Variants in ZNF782 observed in about 807,000 individuals in gnomAD.
The protein encoded by ZNF782 is zinc finger protein 782.
Under a neutral mutation model 13.0 loss-of-function variants are expected in ZNF782, and 12 were observed. The ratio of observed to expected loss-of-function variants is 0.92; its 90% CI spans 0.59 to 1.50. The LOEUF (loss-of-function observed/expected upper bound fraction) is 1.50, where lower values mean the gene tolerates loss of function less well. ZNF782 is among the 40% of genes most tolerant of loss of function. The pLI, the probability that ZNF782 is intolerant of heterozygous loss-of-function variation, is 0.00. For synonymous variants in ZNF782, 284 were observed against 283.0 expected (o/e 1.00, Z -0.04); for missense variants, 770 against 822.9 (o/e 0.94, Z 0.79).
At chr9:96,855,463 G>GCATT (rs1261248635), upstream of ZNF782, among the ~76,000 whole-genome samples, 1 of 152,180 alleles carries the variant, frequency 6.6e-6, no homozygotes, top group African/African-American at 2.4e-5. Flanking sequence ...TTATGCCTTT[G>GCATT]CATTCTCATA....
chr9:96,885,410 A>G, the ZNF782 span, among the ~76,000 whole-genome samples: 1 of 152,300 alleles, frequency 6.6e-6, no homozygotes, highest in South Asian at 2.1e-4. Flanking sequence ...AAATCAATGA[A>G]CCTGAAGACA....
the ZNF782 span, among the ~76,000 whole-genome samples, chr9:96,886,509 G>C: frequency 6.6e-6 from 1 of 152,120 alleles, no homozygotes; most frequent in Non-Finnish European, 1.5e-5. Context: ...ATGTAGAAAA[G>C]GTTGTTAAAC....
chr9:96,895,649 A>T, the ZNF782 span: 1 of 152,360 alleles, frequency 6.6e-6, no homozygotes, highest in Non-Finnish European at 1.5e-5. Flanking sequence ...ATTGGTTCTG[A>T]ACTCAGACTC....
chr9:96,882,231 T>A, the ZNF782 span, among the ~76,000 whole-genome samples: 1 of 152,102 alleles, frequency 6.6e-6, no homozygotes, highest in Non-Finnish European at 1.5e-5. Flanking sequence ...AGTTACTAGA[T>A]CTGCATTTTT....
the ZNF782 span, among the ~76,000 whole-genome samples, chr9:96,899,208 G>A: frequency 2.0e-5 from 3 of 151,190 alleles, no homozygotes; most frequent in Non-Finnish European, 4.4e-5. Flanking sequence ...CTGAGATCAC[G>A]CCACTGCACT....
chr9:96,847,949 A>C (rs1851385208), intron 3 of ZNF782, among the ~76,000 whole-genome samples: 1 of 152,230 alleles, frequency 6.6e-6, no homozygotes, highest in African/African-American at 2.4e-5. Context: ...TGAATACAAT[A>C]GCACATTAAA....
chr9:96,877,958 A>G (rs1288088295), upstream of ZNF782, among the ~76,000 whole-genome samples: 2 of 149,848 alleles, frequency 1.3e-5, no homozygotes, highest in Non-Finnish European at 2.9e-5. Context: ...ACAGTATAAT[A>G]AACAGTCAAC....
At chr9:96,862,506 A>G (rs1478699965) in intron 1 of ZNF782, among the ~76,000 whole-genome samples, 1 of 152,238 alleles carries the variant, frequency 6.6e-6, no homozygotes, top group Non-Finnish European at 1.5e-5. Context: ...CCTACAGTGT[A>G]CCAACAAATT....
intron 2 of ZNF782, among the ~76,000 whole-genome samples, chr9:96,860,599 T>C (rs549363365): frequency 2.0e-5 from 3 of 152,244 alleles, no homozygotes; most frequent in Admixed American, 6.5e-5. Flanking sequence ...CTAAAATGTA[T>C]ATACAACTAC....
the ZNF782 span, chr9:96,888,150 C>T: frequency 6.7e-6 from 1 of 148,522 alleles, no homozygotes; most frequent in Admixed American, 6.7e-5. Flanking sequence ...CACATGTACC[C>T]TAAAACTTAC....
the ZNF782 span, chr9:96,932,553 A>G: frequency 2.0e-5 from 27 of 1,335,802 alleles, no homozygotes; most frequent in Admixed American, 3.5e-4. Context: ...ATGGGAAGGT[A>G]CATTTTCAGC....
chr9:96,861,839 T>C (rs761803255), intron 1 of ZNF782, among the ~76,000 whole-genome samples: 2 of 152,182 alleles, frequency 1.3e-5, no homozygotes, highest in Admixed American at 6.5e-5. Context: ...ACAACCACTA[T>C]AGAGAACAGT....
chr9:96,857,165 G>A (rs1410835850), upstream of ZNF782, among the ~76,000 whole-genome samples: 1 of 152,218 alleles, frequency 6.6e-6, no homozygotes, highest in Admixed American at 6.5e-5. Flanking sequence ...GACATTACAT[G>A]TGGTAGGCAC....
the ZNF782 span, among the ~76,000 whole-genome samples, chr9:96,930,677 C>T: frequency 1.3e-5 from 2 of 148,912 alleles, no homozygotes; most frequent in Non-Finnish European, 3.0e-5. Context: ...CTTCTCAGAT[C>T]TGCTCCCTGG....
chr9:96,921,176 C>CT, the ZNF782 span, among the ~76,000 whole-genome samples: 601 of 134,512 alleles, frequency 4.5e-3, 2 homozygotes, highest in African/African-American at 0.013. Context: ...AGAGTGTGGA[C>CT]TTTTTTTTTT....
Position 96,819,175 on chromosome 9 carries a change from A to C in ZNF782, c.848T>G (p.Ile283Ser). The C allele has an allele frequency of 1.9e-6, 3 of 1,612,654 alleles. No homozygotes were observed. The highest frequency in any genetic ancestry group is 2.2e-5 in the East Asian group (1 of 44,870). ...CCCTCCTGTGAGAGTTTTGTGAGTG[A>C]TTCTACAGAAACAATTTCCAGTATC... ...FNDTGNCFCR[I>S]THKTLTGGKS... Residue 283 changes from isoleucine (I) to serine (S), a missense_variant, in exon 6 of 6, where the codon ATC (isoleucine) becomes AGC (serine). Transcript: ENST00000481138.
chr9:96,930,920 A>G, the ZNF782 span, among the ~76,000 whole-genome samples: 16 of 81,296 alleles, frequency 2.0e-4, no homozygotes, highest in African/African-American at 5.3e-4. Context: ...TTTGAGACGG[A>G]GTCTCGCTCT....
intron 3 of ZNF782, among the ~76,000 whole-genome samples, chr9:96,847,643 A>C (rs968606684): frequency 6.6e-6 from 1 of 152,160 alleles, no homozygotes; most frequent in African/African-American, 2.4e-5. Flanking sequence ...AATAGACTAC[A>C]AGTAGAGAGA....
chr9:96,891,256 A>G, the ZNF782 span: 2 of 152,224 alleles, frequency 1.3e-5, no homozygotes, highest in Non-Finnish European at 2.9e-5. Flanking sequence ...TGAATTGTAC[A>G]CTTAAAATAA....
Sources: gnomAD v4.1 joint callset for allele counts (sites outside exome capture counted in the v4.1 genomes callset) on GRCh38, gnomAD v4.1.1 for gene constraint, MANE v1.5 for transcripts, NCBI Gene and HGNC (gene_info 2026-07-23, HGNC 2026-07-21) for gene names.